ST3GAL3: variants seen among roughly 807,000 people sequenced by gnomAD.
ST3GAL3 encodes the protein CMP-N-acetylneuraminate-beta-1,4-galactoside alpha-2,3-sialyltransferase.
ST3GAL3 carries 21 observed loss-of-function variants against 50.1 expected under a neutral mutation model. The observed-to-expected ratio is 0.42, with a 90% CI of 0.30 to 0.60. The LOEUF (loss-of-function observed/expected upper bound fraction) is 0.60, where lower values mean the gene tolerates loss of function less well. Among genes scored for constraint, ST3GAL3 ranks in the 20% least tolerant of loss-of-function variants. The pLI is 0.19. For missense variants in ST3GAL3, 353 were observed against 489.4 expected (o/e 0.72, Z 2.63); for synonymous variants, 183 against 190.0 (o/e 0.96, Z 0.30).
In ST3GAL3 at chr1:43,774,422, G is replaced by A. The variant is rs547320484; in HGVS notation, c.119-17680G>A. On this transcript the variant is annotated intron_variant, in intron 2 of 11. Transcript: ENST00000347631. Reference sequence around the variant, plus strand: ...AGGCTGCCACCTTGCTGCCTTTCAGGTGTTGAGTGGATCACTGAGGGAGCT... The same window carrying A: ...AGGCTGCCACCTTGCTGCCTTTCAGATGTTGAGTGGATCACTGAGGGAGCT... Among the ~76,000 whole-genome samples, 275 of 152,300 alleles carry A rather than the reference G, an allele frequency of 1.8e-3. 3 individuals carry two copies. The highest frequency in any genetic ancestry group is 0.011 in the South Asian group (52 of 4,828).
chr1:43,818,775 C>A (rs1158270609), intron 4 of ST3GAL3, among the ~76,000 whole-genome samples: 1 of 150,542 alleles, frequency 6.6e-6, no homozygotes, highest in Non-Finnish European at 1.5e-5. Flanking sequence ...CTGAAAAAAA[C>A]AATGAACTTC....
At chr1:43,929,381 T>C (rs1297010590) in intron 11 of ST3GAL3, among the ~76,000 whole-genome samples, 4 of 151,944 alleles carry the variant, frequency 2.6e-5, no homozygotes, top group Non-Finnish European at 5.9e-5. Flanking sequence ...CTCGGCTCAC[T>C]GCAACCTCTG....
chr1:43,726,684 T>C (rs1345254215), intron 1 of ST3GAL3, among the ~76,000 whole-genome samples: 1 of 152,236 alleles, frequency 6.6e-6, no homozygotes, highest in Admixed American at 6.5e-5. Context: ...AGCCTCCGCC[T>C]GCCGAGTTCA....
intron 5 of ST3GAL3, among the ~76,000 whole-genome samples, chr1:43,880,018 G>A (rs1315545809): frequency 6.6e-6 from 1 of 152,278 alleles, no homozygotes; most frequent in East Asian, 1.9e-4. Context: ...GCACAGCTTA[G>A]CAATCCTTGT....
chr1:43,744,728 G>A (rs941179229), intron 2 of ST3GAL3, among the ~76,000 whole-genome samples: 4 of 149,110 alleles, frequency 2.7e-5, no homozygotes, highest in Non-Finnish European at 6.0e-5. Context: ...ATAGCCTGGC[G>A]TGGTGGTTTA....
chr1:43,858,041 C>A, intron 5 of ST3GAL3: 3 of 946,694 alleles, frequency 3.2e-6, no homozygotes, highest in Non-Finnish European at 4.4e-6. Flanking sequence ...AAGTGTCGGA[C>A]TACAGTGGAA....
At chr1:43,840,513 C>G (rs1450628963) in intron 5 of ST3GAL3, 4 of 152,174 alleles carry the variant, frequency 2.6e-5, no homozygotes, top group Admixed American at 2.6e-4. Context: ...GTCCTGTGAT[C>G]TCGCCCTGCT....
chr1:43,833,835 G>A (rs1012377740), intron 4 of ST3GAL3, among the ~76,000 whole-genome samples: 7 of 152,172 alleles, frequency 4.6e-5, no homozygotes, highest in Non-Finnish European at 7.3e-5. Flanking sequence ...TGGAAAGTTC[G>A]CAAGGGAAGT....
intron 5 of ST3GAL3, among the ~76,000 whole-genome samples, chr1:43,847,532 C>T (rs1163363170): frequency 3.9e-5 from 6 of 152,164 alleles, no homozygotes; most frequent in Admixed American, 2.6e-4. Flanking sequence ...GAGCCAGTTA[C>T]ACAAAAACAA....
chr1:43,920,337 C>G (rs529622347), intron 9 of ST3GAL3, 67 bp from the exon 10 acceptor site: 2 of 1,609,818 alleles, frequency 1.2e-6, no homozygotes, highest in South Asian at 2.2e-5. Context: ...CTTGGGGTCC[C>G]TGCCACTCCC....
At chr1:43,912,316 T>C (rs956105546) in intron 9 of ST3GAL3, 1 of 152,152 alleles carries the variant, frequency 6.6e-6, no homozygotes, top group Non-Finnish European at 1.5e-5. Flanking sequence ...ATTACTGCCC[T>C]TATTTTATAG....
At chr1:43,712,010 C>T (rs1665011868) in intron 1 of ST3GAL3, among the ~76,000 whole-genome samples, 1 of 152,204 alleles carries the variant, frequency 6.6e-6, no homozygotes, top group South Asian at 2.1e-4. Flanking sequence ...AGAAACAGTG[C>T]TGGTTGGAGC....
At chr1:43,765,807 G>A (rs562951279) in intron 2 of ST3GAL3, among the ~76,000 whole-genome samples, 10 of 145,800 alleles carry the variant, frequency 6.9e-5, no homozygotes, top group South Asian at 4.2e-4. Context: ...GCGCGTCCGC[G>A]CGTCCGCGTG....
At chr1:43,843,623 A>G (rs1456500337) in intron 5 of ST3GAL3, among the ~76,000 whole-genome samples, 2 of 152,164 alleles carry the variant, frequency 1.3e-5, no homozygotes, top group African/African-American at 4.8e-5. Context: ...ATATTTCTTC[A>G]TCTTTCTACA....
At chr1:43,739,705 T>C (rs993610801) in intron 2 of ST3GAL3, among the ~76,000 whole-genome samples, 1 of 152,168 alleles carries the variant, frequency 6.6e-6, no homozygotes, top group African/African-American at 2.4e-5. Context: ...CTGTGTGAAA[T>C]GCTGTGTTGG....
intron 4 of ST3GAL3, among the ~76,000 whole-genome samples, chr1:43,834,058 G>C (rs1316882817): frequency 1.3e-5 from 2 of 152,244 alleles, no homozygotes; most frequent in East Asian, 3.9e-4. Flanking sequence ...CTTCTCGGGA[G>C]GCTGAGGCAG....
At chr1:43,785,379 A>G (rs778516767) in intron 2 of ST3GAL3, among the ~76,000 whole-genome samples, 12 of 152,228 alleles carry the variant, frequency 7.9e-5, no homozygotes, top group Non-Finnish European at 1.0e-4. Flanking sequence ...ACAGCCATCC[A>G]GAAGGTAGAG....
At chr1:43,776,848 G>A (rs575230757) in intron 2 of ST3GAL3, among the ~76,000 whole-genome samples, 2 of 152,214 alleles carry the variant, frequency 1.3e-5, no homozygotes, top group East Asian at 3.9e-4. Context: ...AAATTGCTAG[G>A]CGTACAAAAT....
At chr1:43,825,803 A>C (rs2062721126) in intron 4 of ST3GAL3, among the ~76,000 whole-genome samples, 1 of 152,224 alleles carries the variant, frequency 6.6e-6, no homozygotes, top group Non-Finnish European at 1.5e-5. Context: ...GAGGGTACTT[A>C]GGAGGCTATA....
Sources: allele counts gnomAD v4.1 joint callset (sites outside exome capture counted in the v4.1 genomes callset), GRCh38; gene constraint gnomAD v4.1.1; transcripts MANE v1.5; gene names NCBI Gene and HGNC (gene_info 2026-07-23, HGNC 2026-07-21).